Variants in TACC2 observed in about 807,000 individuals in gnomAD.
TACC2 encodes transforming acidic coiled-coil-containing protein 2.
Under a neutral mutation model 227.3 loss-of-function variants are expected in TACC2, and 137 were observed. The ratio of observed to expected loss-of-function variants is 0.60; its 90% CI spans 0.52 to 0.69. The LOEUF is 0.69. TACC2 is among the 30% of genes least tolerant of loss of function. TACC2 has a pLI of 0.00. For missense variants in TACC2, 3,470 were observed against 3,694.4 expected, an observed-to-expected ratio of 0.94 and a Z score of 1.57; for synonymous variants, 1,523 against 1,487.5, an observed-to-expected ratio of 1.02 and a Z score of -0.55.
At position 122,087,036 on chromosome 10, in the gene TACC2, C is replaced by G; in HGVS notation, c.4536C>G (p.Ala1512=). 6.2e-7 allele frequency: 1 copy of G among 1,613,776 alleles called. No homozygotes were observed. Among genetic ancestry groups the G allele is most frequent in the Non-Finnish European group, 8.5e-7 (1 of 1,179,982 alleles). Residue 1512 remains alanine (A), a synonymous_variant, in exon 4 of 23, where the codon GCC becomes GCG. Coordinates refer to ENST00000369005, the MANE Select transcript of TACC2 (RefSeq NM_206862.4). ...GLTWERNLPG[A]GVGKEMAGVP... The stretch of plus-strand genomic sequence containing the variant: ...CCTGGGAGCGGAACTTGCCAGGTGC[C>G]GGTGTGGGGAAGGAGATGGCAGGTG...
At chr10:122,094,020 C>G (rs1037033898) in intron 5 of TACC2, among the ~76,000 whole-genome samples, 3 of 152,082 alleles carry the variant, frequency 2.0e-5, no homozygotes, top group Non-Finnish European at 4.4e-5. Flanking sequence ...GGGGGCTCCA[C>G]GAACCCTGCT....
chr10:122,214,040 C>T lies in TACC2; in HGVS notation c.7284-1351C>T, dbSNP rs566158128. On this transcript the variant is annotated intron_variant, in intron 9 of 22. Coordinates refer to ENST00000369005, the MANE Select transcript of TACC2 (RefSeq NM_206862.4). ...TCAGTAGAAACAGAGCTGACCATTTCTGTGCCTCTGCTGCTTTGCCTCCCA... is the reference window on the plus strand; with the variant it reads ...TCAGTAGAAACAGAGCTGACCATTTTTGTGCCTCTGCTGCTTTGCCTCCCA... Among the ~76,000 whole-genome samples, 5 of 152,282 alleles carry T rather than the reference C, an allele frequency of 3.3e-5. No individual in the cohort carries two copies. In the South Asian group the frequency reaches 1.0e-3, roughly 32 times the overall value.
intron 3 of TACC2, among the ~76,000 whole-genome samples, chr10:122,062,739 G>A (rs1478632787): frequency 6.6e-6 from 1 of 152,176 alleles, no homozygotes; most frequent in Admixed American, 6.5e-5. Flanking sequence ...CAGCAACTAT[G>A]GGGAAGGGTT....
In TACC2 at chr10:122,047,581, G is replaced by A. The variant is rs554955286; in HGVS notation, c.34-2857G>A. Among the ~76,000 whole-genome samples the A allele has an allele frequency of 3.9e-5, 6 of 152,322 alleles. No individual in the cohort carries two copies. In the South Asian group the frequency reaches 1.2e-3, roughly 32 times the overall value. ...CCTCCTTCAACACTGCCCCGTGGAA[G>A]GGATCAAACAGAGACGCCCTGTCCT... On this transcript the variant is annotated intron_variant, in intron 2 of 22. Transcript: ENST00000369005.
intron 6 of TACC2, among the ~76,000 whole-genome samples, chr10:122,135,245 C>CG (rs1304754369): frequency 6.6e-6 from 1 of 152,146 alleles, no homozygotes; most frequent in Non-Finnish European, 1.5e-5. Flanking sequence ...CTCGAGATAC[C>CG]GTGTCCTGGG....
At chr10:122,115,327 C>T (rs1490440554) in intron 5 of TACC2, among the ~76,000 whole-genome samples, 1 of 148,754 alleles carries the variant, frequency 6.7e-6, no homozygotes, top group African/African-American at 2.5e-5. Flanking sequence ...TGTGAGATAC[C>T]TGAGCATGCA....
intron 5 of TACC2, among the ~76,000 whole-genome samples, chr10:122,110,618 G>C (rs986521139): frequency 6.6e-6 from 1 of 152,168 alleles, no homozygotes. Context: ...CAGAGGTGCC[G>C]AGGTCAGCCT....
chr10:122,138,413 G>A (rs1409404224), intron 6 of TACC2, among the ~76,000 whole-genome samples: 1 of 152,314 alleles, frequency 6.6e-6, no homozygotes, highest in Admixed American at 6.5e-5. Context: ...GGGAGGCTGA[G>A]GCAGGAGAAT....
At chr10:122,167,518 T>C (rs959176344) in intron 7 of TACC2, among the ~76,000 whole-genome samples, 2 of 152,212 alleles carry the variant, frequency 1.3e-5, no homozygotes, top group Non-Finnish European at 2.9e-5. Flanking sequence ...CAGATGTAGC[T>C]GGAGAGAGGC....
intron 3 of TACC2, among the ~76,000 whole-genome samples, chr10:122,072,982 G>A (rs1053617914): frequency 6.0e-5 from 9 of 151,072 alleles, no homozygotes; most frequent in South Asian, 2.1e-4. Flanking sequence ...GCGTGGTGGC[G>A]CGGGCCTGTA....
Position 122,084,750 on chromosome 10 carries a change from T to C in TACC2, c.2250T>C (p.Cys750=), listed in dbSNP as rs1327584464. Residue 750 remains cysteine, a synonymous_variant, in exon 4 of 23, where the codon TGT becomes TGC. Coordinates refer to ENST00000369005, the MANE Select transcript of TACC2 (RefSeq NM_206862.4). Reference sequence around the variant, plus strand: ...TGGAAATAAGGAAGATGGGCAGCTGTGATGGGGAGGGCTTGCTGACGTCCC... The same window carrying C: ...TGGAAATAAGGAAGATGGGCAGCTGCGATGGGGAGGGCTTGCTGACGTCCC... ...STLEIRKMGS[C]DGEGLLTSPD... 2.5e-6 allele frequency: 4 copies of C among 1,613,472 alleles called. No homozygotes were observed. The highest frequency in any genetic ancestry group is 2.5e-6 in the Non-Finnish European group (3 of 1,180,018).
At chr10:122,131,963 A>C (rs1274761990) in intron 5 of TACC2, among the ~76,000 whole-genome samples, 1 of 152,092 alleles carries the variant, frequency 6.6e-6, no homozygotes, top group East Asian at 1.9e-4. Context: ...CGGCGGTTGC[A>C]ATGAGCCGAG....
intron 7 of TACC2, among the ~76,000 whole-genome samples, chr10:122,147,933 T>C (rs1251828596): frequency 6.6e-6 from 1 of 152,180 alleles, no homozygotes; most frequent in African/African-American, 2.4e-5. Context: ...TCTCCACAGC[T>C]GCTTTCAACC....
rs1344881290 is a variant in TACC2 at position 122,216,819 on chromosome 10, C to T, written c.7537C>T (p.Pro2513Ser). The T allele has an allele frequency of 1.2e-6, 2 of 1,614,058 alleles. No individual in the cohort carries two copies. Among genetic ancestry groups the T allele is most frequent in the Non-Finnish European group, 8.5e-7 (1 of 1,180,034 alleles). The change falls in exon 11 of 23, where the codon CCC becomes TCC. Residue 2513 changes from proline to serine, a missense_variant. Around this residue, in one of 10 missense-constraint regions of TACC2, gnomAD observed 345 missense variants for 354.4 expected, o/e 0.97. Coordinates refer to ENST00000369005, the MANE Select transcript of TACC2 (RefSeq NM_206862.4). ...TFVNETKFSS[P>S]TEELDYRNSY... Reference sequence around the variant, plus strand: ...TGTAAACGAGACCAAATTCAGTTCACCCACTGAGGGTAAGCAACTCTGTAG... The same window carrying T: ...TGTAAACGAGACCAAATTCAGTTCATCCACTGAGGGTAAGCAACTCTGTAG...
intron 2 of TACC2, among the ~76,000 whole-genome samples, chr10:122,046,807 T>C (rs2075057419): frequency 6.6e-6 from 1 of 152,200 alleles, no homozygotes. Context: ...GCAGGTCATC[T>C]TGTGATTGAA....
chr10:122,045,037 A>T (rs531734694), intron 2 of TACC2, among the ~76,000 whole-genome samples: 1 of 152,300 alleles, frequency 6.6e-6, no homozygotes, highest in Admixed American at 6.5e-5. Flanking sequence ...TATCTCTAAG[A>T]CGGGGAACAG....
Position 122,026,758 on chromosome 10 carries a change from C to G in TACC2, c.33+4744C>G, listed in dbSNP as rs140195413. Among the ~76,000 whole-genome samples, 36 of 152,290 alleles carry G rather than the reference C, an allele frequency of 2.4e-4. 1 individual carries two copies. In the East Asian group the frequency reaches 6.0e-3, roughly 25 times the overall value. ...AGCCTTTTCACATTGGCTTCTTTCA[C>G]TCAGTAATGTCCATTTAAGGTTCCT... is the stretch of plus-strand genomic sequence containing the variant. On this transcript the variant is annotated intron_variant, in intron 2 of 22. Coordinates refer to ENST00000369005, the MANE Select transcript of TACC2 (RefSeq NM_206862.4).
At position 122,205,106 on chromosome 10, in the gene TACC2, T is replaced by C. The variant is rs1169051524; in HGVS notation, c.5972-5291T>C. Among the ~76,000 whole-genome samples, 1 of 152,208 alleles carries C rather than the reference T, an allele frequency of 6.6e-6. No homozygotes were observed. The highest frequency in any genetic ancestry group is 1.9e-4 in the East Asian group (1 of 5,194). On this transcript the variant is annotated intron_variant, in intron 8 of 22. Coordinates refer to ENST00000369005, the MANE Select transcript of TACC2 (RefSeq NM_206862.4). This position sits in a 1 kb window ranked among gnomAD's most constrained non-coding sequence, Gnocchi z 4.5. ...ACACTTTAATTTCTTCATCACTAAG[T>C]GAGTTAGCACGGTCAGTAACTGTCC...
intron 7 of TACC2, among the ~76,000 whole-genome samples, chr10:122,169,666 T>C (rs1445276273): frequency 1.3e-5 from 2 of 152,214 alleles, no homozygotes; most frequent in East Asian, 3.8e-4. Context: ...TCTCTCTCTC[T>C]AAGACATCTC....
Sources: gnomAD v4.1 joint callset for allele counts (sites outside exome capture counted in the v4.1 genomes callset) on GRCh38, gnomAD v4.1.1 for gene constraint, gnomAD v4.1.1 regional missense constraint, Gnocchi (gnomAD v3.1) non-coding constraint, MANE v1.5 for transcripts, NCBI Gene and HGNC (gene_info 2026-07-23, HGNC 2026-07-21) for gene names.